VPS13B: variants seen among roughly 807,000 people sequenced by gnomAD.
The protein encoded by VPS13B is vacuolar protein sorting 13 homolog B, also known as intermembrane lipid transfer protein VPS13B.
Under a neutral mutation model 426.4 loss-of-function variants are expected in VPS13B, and 285 were observed. The observed-to-expected ratio is 0.67, with a 90% confidence interval of 0.61 to 0.74. The LOEUF is 0.74. VPS13B is among the 30% of genes least tolerant of loss of function. The probability of loss-of-function intolerance (pLI) is 0.00; values close to 1 mark genes in which losing one functional copy is unlikely to be tolerated. For missense variants in VPS13B, 4,537 were observed against 4,782.6 expected (o/e 0.95, Z 1.51); for synonymous variants, 1,676 against 1,676.4 (o/e 1.00, Z 0.01).
Position 99,275,088 on chromosome 8 carries a change from T to G in VPS13B, c.2658T>G (p.Ser886Arg). 6.2e-7 allele frequency: 1 copy of G among 1,602,818 alleles called. No homozygotes were observed. The highest frequency in any genetic ancestry group is 8.5e-7 in the Non-Finnish European group (1 of 1,175,586). ...IKICAKAPVD[S>R]GKEKLIPLLQ... is the part of the protein sequence containing the mutation. ...ATAAATATTTCTTTTCAGTTGATAGTGGAAAAGAGAAGTTGATTCCCTTGC... is the reference window on the plus strand; with the variant it reads ...ATAAATATTTCTTTTCAGTTGATAGGGGAAAAGAGAAGTTGATTCCCTTGC... Residue 886 changes from serine to arginine, a missense_variant, in exon 19 of 62, where the codon AGT becomes AGG. By Grantham distance (110) the Ser-to-Arg change is moderately radical. Around this residue, in one of 2 missense-constraint regions of VPS13B, gnomAD observed 4,311 missense variants for 4,474.3 expected, o/e 0.96. Coordinates refer to ENST00000357162, the MANE Select transcript of VPS13B (RefSeq NM_152564.5).
intron 3 of VPS13B, among the ~76,000 whole-genome samples, chr8:99,053,183 A>ACAACAT (rs1351839068): frequency 3.3e-5 from 5 of 151,828 alleles, no homozygotes; most frequent in African/African-American, 1.2e-4. Flanking sequence ...GTACATGTGC[A>ACAACAT]CAACATGCAG....
At chr8:99,446,872 A>G (rs1413999838) in intron 23 of VPS13B, among the ~76,000 whole-genome samples, 1 of 152,164 alleles carries the variant, frequency 6.6e-6, no homozygotes, top group Non-Finnish European at 1.5e-5. Context: ...AACATCTAAA[A>G]CCGCAAATTA....
At chr8:99,162,952 C>G (rs1811756700) in intron 15 of VPS13B, among the ~76,000 whole-genome samples, 1 of 152,168 alleles carries the variant, frequency 6.6e-6, no homozygotes, top group Admixed American at 6.5e-5. Context: ...AATCCCTGAG[C>G]TAGATACAAA....
At chr8:99,082,022 C>G (rs1279723468) in intron 3 of VPS13B, among the ~76,000 whole-genome samples, 1 of 152,112 alleles carries the variant, frequency 6.6e-6, no homozygotes, top group Admixed American at 6.5e-5. Context: ...TTCTAGATCC[C>G]TGAGGAATCG....
chr8:99,742,040 G>A (rs1373155674), intron 39 of VPS13B, among the ~76,000 whole-genome samples: 3 of 152,246 alleles, frequency 2.0e-5, no homozygotes, highest in East Asian at 1.9e-4. Flanking sequence ...CCAGGAGCTG[G>A]TCTTTTGAAA....
chr8:99,427,824 G>A (rs1345150465), intron 21 of VPS13B, among the ~76,000 whole-genome samples: 1 of 151,914 alleles, frequency 6.6e-6, no homozygotes, highest in African/African-American at 2.4e-5. Flanking sequence ...AGCCCGCATT[G>A]CCAAGTCAAT....
chr8:99,076,667 G>T (rs1168244027), intron 3 of VPS13B, among the ~76,000 whole-genome samples: 2 of 140,502 alleles, frequency 1.4e-5, no homozygotes, highest in African/African-American at 2.7e-5. Context: ...TCATCTAGGT[G>T]TAGCTACTTC....
chr8:99,512,211 A>C (rs954739218), intron 29 of VPS13B, among the ~76,000 whole-genome samples: 1 of 152,232 alleles, frequency 6.6e-6, no homozygotes, highest in African/African-American at 2.4e-5. Context: ...TGAAATTACT[A>C]TTCTCTGAAT....
chr8:99,616,264 T>C (rs1053546315), intron 33 of VPS13B, among the ~76,000 whole-genome samples: 3 of 152,188 alleles, frequency 2.0e-5, no homozygotes, highest in Admixed American at 6.5e-5. Flanking sequence ...ATTTATTGTA[T>C]GTTTACTATG....
intron 35 of VPS13B, among the ~76,000 whole-genome samples, chr8:99,662,349 T>C (rs1830263042): frequency 6.6e-6 from 1 of 152,202 alleles, no homozygotes; most frequent in African/African-American, 2.4e-5. Context: ...TTATTACATT[T>C]CACTTTTTGT....
chr8:99,128,699 A>G (rs563949988), intron 8 of VPS13B, among the ~76,000 whole-genome samples: 1 of 152,126 alleles, frequency 6.6e-6, no homozygotes, highest in Non-Finnish European at 1.5e-5. Flanking sequence ...TATAGGTATT[A>G]TTCCAGGCAA....
chr8:99,598,520 A>G (rs953451298), intron 33 of VPS13B, among the ~76,000 whole-genome samples: 1 of 152,178 alleles, frequency 6.6e-6, no homozygotes, highest in Middle Eastern at 3.4e-3. Flanking sequence ...GAGGTAGTGT[A>G]TGTAAAGACT....
chr8:99,779,693 G>A (rs1323705209), intron 42 of VPS13B, among the ~76,000 whole-genome samples: 1 of 152,184 alleles, frequency 6.6e-6, no homozygotes, highest in Non-Finnish European at 1.5e-5. Context: ...TGGGAAACCT[G>A]TCCATGTCTG....
rs1270977455 is a variant in VPS13B at position 99,575,730 on chromosome 8, A to G, written c.5022A>G (p.Gly1674=). 2 of 1,613,872 alleles carry G rather than the reference A, an allele frequency of 1.2e-6. No individual in the cohort carries two copies. Among genetic ancestry groups the G allele is most frequent in the Non-Finnish European group, 8.5e-7 (1 of 1,179,884 alleles). Residue 1674 remains glycine (G), a synonymous_variant, in exon 32 of 62, where the codon GGA becomes GGG. Coordinates refer to ENST00000357162, the MANE Select transcript of VPS13B (RefSeq NM_152564.5). ...CAGATTTTTCTGTCCGAATAACTGGAGCACCTGCTGTCATTTTCACCAAAG... is the reference window on the plus strand; with the variant it reads ...CAGATTTTTCTGTCCGAATAACTGGGGCACCTGCTGTCATTTTCACCAAAG... ...VLTDFSVRIT[G]APAVIFTKVV... is the part of the protein sequence containing the mutation.
At chr8:99,843,349 C>A (rs762872506) in intron 54 of VPS13B, among the ~76,000 whole-genome samples, 1 of 152,004 alleles carries the variant, frequency 6.6e-6, no homozygotes, top group Non-Finnish European at 1.5e-5. Flanking sequence ...TCTGTGATAA[C>A]AAACAGCTGA....
At chr8:99,287,112 A>T (rs2133035479) in intron 19 of VPS13B, among the ~76,000 whole-genome samples, 1 of 152,254 alleles carries the variant, frequency 6.6e-6, no homozygotes, top group East Asian at 1.9e-4. Context: ...TTAGTTAAGT[A>T]AATAATGTGT....
At chr8:99,691,277 A>C (rs77248899) in intron 35 of VPS13B, among the ~76,000 whole-genome samples, 3,095 of 150,748 alleles carry the variant, frequency 0.021, 112 homozygotes, top group African/African-American at 0.072. Context: ...GTGTGTGTTG[A>C]TTATGATGTT....
intron 8 of VPS13B, among the ~76,000 whole-genome samples, chr8:99,128,763 TG>T (rs1473351323): frequency 1.3e-5 from 2 of 151,792 alleles, no homozygotes; most frequent in Admixed American, 1.3e-4. Context: ...TCTGTTCCCA[TG>T]GTTTTAAATT....
intron 3 of VPS13B, among the ~76,000 whole-genome samples, chr8:99,089,872 G>T (rs549958871): frequency 2.0e-5 from 3 of 152,042 alleles, no homozygotes; most frequent in Admixed American, 6.6e-5. Flanking sequence ...ATGTATAAGG[G>T]TTATACTTTG....
Sources: gnomAD v4.1 joint callset for allele counts (sites outside exome capture counted in the v4.1 genomes callset) on GRCh38, gnomAD v4.1.1 for gene constraint, gnomAD v4.1.1 regional missense constraint, MANE v1.5 for transcripts, NCBI Gene and HGNC (gene_info 2026-07-23, HGNC 2026-07-21) for gene names.